Variants in HIC1 observed in about 807,000 individuals in gnomAD.
HIC1 encodes the protein HIC ZBTB transcriptional repressor 1, also known as hypermethylated in cancer 1 protein.
HIC1 carries 9 observed loss-of-function variants against 26.4 expected under a neutral mutation model. The ratio of observed to expected loss-of-function variants is 0.34; its 90% CI spans 0.21 to 0.59. The LOEUF is 0.59. HIC1 is among the 20% of genes least tolerant of loss of function. The pLI is 0.82. For missense variants in HIC1, 965 were observed against 1,075.7 expected, an observed-to-expected ratio of 0.90 and a Z score of 1.44; for synonymous variants, 631 against 523.1, an observed-to-expected ratio of 1.21 and a Z score of -2.81.
Position 2,058,910 on chromosome 17 carries a change from C to T in HIC1, c.*75C>T. On this transcript the variant is annotated 3_prime_UTR_variant, in exon 2 of 2. Transcript: ENST00000619757. ...ACCCCAGGGAGCGGCGGGGGCGGCG[C>T]GCAGGGCCCACTGTGCCCGGGACAA... 1.6e-6 allele frequency: 2 copies of T among 1,264,456 alleles called. No individual in the cohort carries two copies. The highest frequency in any genetic ancestry group is 3.2e-5 in the African/African-American group (2 of 63,126). The allele number at this position is 1,264,456 out of a possible 1,614,324, so 78.3% of individuals were successfully genotyped here. A position where few individuals can be genotyped will look rare whatever the true frequency, so the allele number is the denominator to read the frequency against.
In HIC1 at chr17:2,057,158, C is replaced by T; in HGVS notation, c.468C>T (p.Gly156=). ...GGGYAPYGRP[G]RGLRAATPVI... ...GCTACGCGCCCTATGGTCGGCCGGG[C>T]CGGGGCCTGCGGGCCGCCACGCCGG... The change falls in exon 2 of 2, where the codon GGC becomes GGT. Residue 156 remains glycine (G), a synonymous_variant. Transcript: ENST00000619757. The T allele has an allele frequency of 1.5e-6, 2 of 1,321,128 alleles. No homozygotes were observed. Among genetic ancestry groups the T allele is most frequent in the Non-Finnish European group, 1.9e-6 (2 of 1,042,726 alleles). The allele number at this position is 1,321,128 out of a possible 1,614,324, so 81.8% of individuals were successfully genotyped here. A position where few individuals can be genotyped will look rare whatever the true frequency, so the allele number is the denominator to read the frequency against.
rs1224873056 is a variant in HIC1, at chr17:2,058,784, C to A, written c.2094C>A (p.His698Gln). The A allele has an allele frequency of 6.6e-7, 1 of 1,510,748 alleles. No homozygotes were observed. The highest frequency in any genetic ancestry group is 8.8e-7 in the Non-Finnish European group (1 of 1,135,924). 93.6% of individuals were successfully genotyped at this position (1,510,748 alleles called of 1,614,324 possible). A position where few individuals can be genotyped will look rare whatever the true frequency, so the allele number is the denominator to read the frequency against. The stretch of plus-strand genomic sequence containing the variant: ...CCGAGGTGCTGAGCCAGGGCGCTCA[C>A]CTGGCGGCCGGGCCCGACGGCCGGA... ...KAAEVLSQGA[H>Q]LAAGPDGRTI... Residue 698 changes from histidine to glutamine, a missense_variant, in exon 2 of 2, where the codon CAC becomes CAA. Physicochemically the swap from His to Gln is conservative, Grantham distance 24 (BLOSUM62 0). Coordinates refer to ENST00000619757, the MANE Select transcript of HIC1 (RefSeq NM_006497.4).
In HIC1 at chr17:2,058,522, GGC is replaced by G. The variant is rs1567558016; in HGVS notation, c.1833_1834del (p.Leu612ProfsTer160). On this transcript the variant is annotated frameshift_variant, in exon 2 of 2. Coordinates refer to ENST00000619757, the MANE Select transcript of HIC1 (RefSeq NM_006497.4). LOFTEE classifies it high-confidence loss of function. ...GCCGGGGCGCTGGCGGGCTTGGGGG[GGC>G]TCCCCGGCGTCCCCGGCCCCGACGG... is the stretch of plus-strand genomic sequence containing the variant. 2.0e-6 allele frequency: 3 copies of G among 1,495,298 alleles called. No individual in the cohort carries two copies. Among genetic ancestry groups the G allele is most frequent in the Non-Finnish European group, 2.7e-6 (3 of 1,127,828 alleles). 92.6% of individuals were successfully genotyped at this position (1,495,298 alleles called of 1,614,324 possible). A position where few individuals can be genotyped will look rare whatever the true frequency, so the allele number is the denominator to read the frequency against.
rs1214681201 is a variant in HIC1, at chr17:2,057,493, C to T, written c.803C>T (p.Pro268Leu). ...AAYKEPPLAL[P>L]SLPPLPFQKL... ...TACAAGGAGCCGCCTCTCGCCCTGC[C>T]GTCGCTGCCGCCGCTGCCCTTCCAG... Residue 268 changes from proline to leucine, a missense_variant, in exon 2 of 2, where the codon CCG becomes CTG. By Grantham distance (98) the Pro-to-Leu change is moderately conservative (BLOSUM62 -3). Coordinates refer to ENST00000619757, the MANE Select transcript of HIC1 (RefSeq NM_006497.4). The T allele has an allele frequency of 1.2e-5, 18 of 1,484,744 alleles. No individual in the cohort carries two copies. The highest frequency in any genetic ancestry group is 2.2e-5 in the Admixed American group (1 of 45,398). The allele number at this position is 1,484,744 out of a possible 1,614,324, so 92.0% of individuals were successfully genotyped here.
rs147171693 is a variant in HIC1 at position 2,061,770 on chromosome 17, GCT to G, written c.*2939_*2940del. 2.5e-3 allele frequency: 2,334 copies of G among 931,432 alleles called. 40 individuals carry two copies. The African/African-American group carries it at 0.034, about 14-fold the overall frequency. The allele number at this position is 931,432 out of a possible 1,614,324, so 57.7% of individuals were successfully genotyped here. On this transcript the variant is annotated 3_prime_UTR_variant, in exon 2 of 2. Transcript: ENST00000619757. ...TCTACCAGTCCTTTCCTCCGTCCGG[GCT>G]CTCAGCCCCGGGGACCCTCCCCTGC...
At position 2,057,328 on chromosome 17, in the gene HIC1, C is replaced by T. The variant is rs748867347; in HGVS notation, c.638C>T (p.Ser213Leu). 2.7e-6 allele frequency: 4 copies of T among 1,501,146 alleles called. No homozygotes were observed. The Admixed American group carries it at 6.4e-5, about 24-fold the overall frequency. The allele number at this position is 1,501,146 out of a possible 1,614,324, so 93.0% of individuals were successfully genotyped here. ...GPGPAAALCA[S>L]ERRCSPLCGL... ...GGCCCGGCCGCCGCACTCTGTGCCT[C>T]GGAGCGCCGCTGCTCCCCTCTTTGT... is the stretch of plus-strand genomic sequence containing the variant. Residue 213 changes from serine (S) to leucine (L), a missense_variant, in exon 2 of 2, where the codon TCG becomes TTG. Transcript: ENST00000619757.
rs1327022774 is a variant in HIC1 at position 2,059,183 on chromosome 17, G to A, written c.*348G>A. The A allele has an allele frequency of 1.6e-5, 4 of 253,366 alleles. No homozygotes were observed. The East Asian group carries it at 3.4e-4, about 22-fold the overall frequency. The allele number at this position is 253,366 out of a possible 1,614,324, so 15.7% of individuals were successfully genotyped here. On this transcript the variant is annotated 3_prime_UTR_variant, in exon 2 of 2. Transcript: ENST00000619757. ...AGAGGGGGAGGGGTGTCACTGTCGG[G>A]GCACTCCTAGCCCTACCTCCGGCCC...
In HIC1 at chr17:2,061,611, G is replaced by A. The variant is rs373285460; in HGVS notation, c.*2776G>A. The A allele has an allele frequency of 5.1e-6, 8 of 1,572,042 alleles. No homozygotes were observed. Among genetic ancestry groups the A allele is most frequent in the Non-Finnish European group, 6.9e-6 (8 of 1,158,402 alleles). Reference sequence around the variant, plus strand: ...AACAGCACCACCTCCCGCAGTAGCCGGATTGGCTCCTCTGTGGGCATGAGA... The same window carrying A: ...AACAGCACCACCTCCCGCAGTAGCCAGATTGGCTCCTCTGTGGGCATGAGA... On this transcript the variant is annotated 3_prime_UTR_variant, in exon 2 of 2. Coordinates refer to ENST00000619757, the MANE Select transcript of HIC1 (RefSeq NM_006497.4).
At position 2,061,736 on chromosome 17, in the gene HIC1, C is replaced by A. The variant is rs1197370030; in HGVS notation, c.*2901C>A. The A allele has an allele frequency of 1.1e-5, 13 of 1,215,352 alleles. No homozygotes were observed. The highest frequency in any genetic ancestry group is 1.5e-5 in the Non-Finnish European group (13 of 870,194). 75.3% of individuals were successfully genotyped at this position (1,215,352 alleles called of 1,614,324 possible). On this transcript the variant is annotated 3_prime_UTR_variant, in exon 2 of 2. Transcript: ENST00000619757. Reference sequence around the variant, plus strand: ...GGAGGGGGTGCCACGCTAGCCGTGTCTTGGCTCTTCTACCAGTCCTTTCCT... The same window carrying A: ...GGAGGGGGTGCCACGCTAGCCGTGTATTGGCTCTTCTACCAGTCCTTTCCT...
At position 2,057,653 on chromosome 17, in the gene HIC1, C is replaced by T. The variant is rs762054416; in HGVS notation, c.963C>T (p.Ser321=). The stretch of plus-strand genomic sequence containing the variant: ...TGAAGCACGAGCCGGGCCTGGGTAG[C>T]TATGGCGACGAGCTGGGCCGGGAGC... ...RWMKHEPGLG[S]YGDELGRERG... The change falls in exon 2 of 2, where the codon AGC becomes AGT. Residue 321 remains serine, a synonymous_variant. Coordinates refer to ENST00000619757, the MANE Select transcript of HIC1 (RefSeq NM_006497.4). 3.3e-5 allele frequency: 50 copies of T among 1,515,832 alleles called. No homozygotes were observed. The African/African-American group carries it at 6.6e-4, about 20-fold the overall frequency. 93.9% of individuals were successfully genotyped at this position (1,515,832 alleles called of 1,614,324 possible). A position where few individuals can be genotyped will look rare whatever the true frequency, so the allele number is the denominator to read the frequency against.
intron 1 of HIC1, chr17:2,056,099 C>G: frequency 3.9e-6 from 1 of 255,298 alleles, no homozygotes; most frequent in Non-Finnish European, 7.3e-6. Context: ...GCGCTCTGCC[C>G]GCCACGGCAG....
At position 2,057,685 on chromosome 17, in the gene HIC1, C is replaced by A; in HGVS notation, c.995C>A (p.Ser332Tyr). Residue 332 changes from serine to tyrosine, a missense_variant, in exon 2 of 2, where the codon TCC (serine) becomes TAC (tyrosine). Ser to Tyr is a moderately radical substitution (Grantham distance 144, BLOSUM62 -2). This residue lies in a region of HIC1 where 526 missense variants were observed against 525.0 expected (regional missense o/e 1.00). Transcript: ENST00000619757. ...GACGAGCTGGGCCGGGAGCGCGGCT[C>A]CCCCAGCGAGCGCTGCGAAGAGCGT... Reference protein sequence around the residue: ...YGDELGRERGSPSERCEERGG... With the variant: ...YGDELGRERGYPSERCEERGG... The A allele has an allele frequency of 6.7e-7, 1 of 1,492,554 alleles. No homozygotes were observed. 92.5% of individuals were successfully genotyped at this position (1,492,554 alleles called of 1,614,324 possible). A position where few individuals can be genotyped will look rare whatever the true frequency, so the allele number is the denominator to read the frequency against.
At position 2,057,989 on chromosome 17, in the gene HIC1, G is replaced by A; in HGVS notation, c.1299G>A (p.Leu433=). 1 of 1,608,464 alleles carries A rather than the reference G, an allele frequency of 6.2e-7. No homozygotes were observed. Among genetic ancestry groups the A allele is most frequent in the Admixed American group, 1.7e-5 (1 of 59,370 alleles). The part of the protein sequence containing the change: ...CGKGFPSSEQ[L]NAHVEAHVEE... The stretch of plus-strand genomic sequence containing the variant: ...AGGGCTTCCCCAGCTCTGAGCAGCT[G>A]AACGCGCACGTGGAGGCTCACGTGG... Residue 433 remains leucine (L), a synonymous_variant, in exon 2 of 2, where the codon CTG becomes CTA. Transcript: ENST00000619757.
rs924415108 is a variant in HIC1, at chr17:2,058,542, C to G, written c.1852C>G (p.Pro618Ala). The change falls in exon 2 of 2, where the codon CCC becomes GCC. Residue 618 changes from proline to alanine, a missense_variant. By Grantham distance (27) the Pro-to-Ala change is conservative (BLOSUM62 -1). This residue lies in a region of HIC1 where 210 missense variants were observed against 179.2 expected (regional missense o/e 1.17). Transcript: ENST00000619757. Reference protein sequence around the residue: ...GLGGLPGVPGPDGKGKLDFPE... With the variant: ...GLGGLPGVPGADGKGKLDFPE... ...GGGGGGGCTCCCCGGCGTCCCCGGC[C>G]CCGACGGCAAGGGCAAGCTCGACTT... 3 of 1,521,222 alleles carry G rather than the reference C, an allele frequency of 2.0e-6. No homozygotes were observed. The highest frequency in any genetic ancestry group is 2.2e-5 in the Admixed American group (1 of 45,380). 94.2% of individuals were successfully genotyped at this position (1,521,222 alleles called of 1,614,324 possible).
rs1006757907 is a variant in HIC1, at chr17:2,060,160, G to C, written c.*1325G>C. The C allele has an allele frequency of 6.6e-6, 1 of 152,432 alleles. No homozygotes were observed. The highest frequency in any genetic ancestry group is 2.4e-5 in the African/African-American group (1 of 41,462). The allele number at this position is 152,432 out of a possible 1,614,324, so 9.4% of individuals were successfully genotyped here. On this transcript the variant is annotated 3_prime_UTR_variant, in exon 2 of 2. Transcript: ENST00000619757. ...CTGTGCAGTCAGGCCATGGGCTCTG[G>C]GGTATCCCCCACTGGTCCCATTAAG...
In HIC1 at chr17:2,057,134, C is replaced by G. The variant is rs2151368809; in HGVS notation, c.444C>G (p.Gly148=). The change falls in exon 2 of 2, where the codon GGC becomes GGG. Residue 148 remains glycine, a synonymous_variant. Coordinates refer to ENST00000619757, the MANE Select transcript of HIC1 (RefSeq NM_006497.4). ...HLRGGGGGGG[G]YAPYGRPGRG... ...GGGGCGGCGGCGGCGGCGGCGGCGG[C>G]TACGCGCCCTATGGTCGGCCGGGCC... The G allele has an allele frequency of 7.6e-7, 1 of 1,309,994 alleles. No homozygotes were observed. Among genetic ancestry groups the G allele is most frequent in the South Asian group, 2.3e-5 (1 of 43,558 alleles). The allele number at this position is 1,309,994 out of a possible 1,614,324, so 81.1% of individuals were successfully genotyped here.
chr17:2,061,558 C>G lies in HIC1; in HGVS notation c.*2723C>G. On this transcript the variant is annotated 3_prime_UTR_variant, in exon 2 of 2. Transcript: ENST00000619757. ...GTACAGGAACATTCCTTGTGAGCGCCTTCACACGCAGGTTCCGGTCATCCG... is the reference window on the plus strand; with the variant it reads ...GTACAGGAACATTCCTTGTGAGCGCGTTCACACGCAGGTTCCGGTCATCCG... 1 of 1,573,324 alleles carries G rather than the reference C, an allele frequency of 6.4e-7. No homozygotes were observed.
rs1484130027 is a variant in HIC1 at position 2,055,791 on chromosome 17, T to G, written c.-21+553T>G. 5.3e-5 allele frequency among the ~76,000 whole-genome samples: 8 copies of G among 151,538 alleles called. No individual in the cohort carries two copies. Among genetic ancestry groups the G allele is most frequent in the Admixed American group, 5.2e-4 (8 of 15,246 alleles). ...TGGGGCCGGCGCACTCCTCCCGCCCTGTCTGCAGTTGGAAAACTTTTCCCC... is the reference window on the plus strand; with the variant it reads ...TGGGGCCGGCGCACTCCTCCCGCCCGGTCTGCAGTTGGAAAACTTTTCCCC... On this transcript the variant is annotated intron_variant, in intron 1 of 1. Transcript: ENST00000619757. This position sits in a 1 kb window ranked among gnomAD's most constrained non-coding sequence, Gnocchi z 6.4.
At position 2,057,357 on chromosome 17, in the gene HIC1, C is replaced by T; in HGVS notation, c.667C>T (p.Leu223=). The change falls in exon 2 of 2, where the codon CTG becomes TTG. Residue 223 remains leucine (L), a synonymous_variant. Transcript: ENST00000619757. The part of the protein sequence containing the change: ...SERRCSPLCG[L]DLSKKSPPGS... ...GCGCCGCTGCTCCCCTCTTTGTGGCCTGGACCTGTCCAAGAAGAGCCCGCC... is the reference window on the plus strand; with the variant it reads ...GCGCCGCTGCTCCCCTCTTTGTGGCTTGGACCTGTCCAAGAAGAGCCCGCC... 1 of 1,487,986 alleles carries T rather than the reference C, an allele frequency of 6.7e-7. No individual in the cohort carries two copies. The highest frequency in any genetic ancestry group is 8.9e-7 in the Non-Finnish European group (1 of 1,127,716). The allele number at this position is 1,487,986 out of a possible 1,614,324, so 92.2% of individuals were successfully genotyped here.
Sources: gnomAD v4.1 joint callset for allele counts (sites outside exome capture counted in the v4.1 genomes callset) on GRCh38, gnomAD v4.1.1 for gene constraint, gnomAD v4.1.1 regional missense constraint, Gnocchi (gnomAD v3.1) non-coding constraint, MANE v1.5 for transcripts, NCBI Gene and HGNC (gene_info 2026-07-23, HGNC 2026-07-21) for gene names.